Variants in NELL1 observed in about 807,000 individuals in gnomAD.
The protein encoded by NELL1 is protein kinase C-binding protein NELL1.
NELL1 carries 76 observed loss-of-function variants against 107.4 expected under a neutral mutation model. The observed-to-expected ratio is 0.71, with a 90% CI of 0.59 to 0.86. The LOEUF (loss-of-function observed/expected upper bound fraction) is 0.86, where lower values mean the gene tolerates loss of function less well. NELL1 is among the 40% of genes least tolerant of loss of function. The probability of loss-of-function intolerance (pLI) is 0.00; values close to 1 mark genes in which losing one functional copy is unlikely to be tolerated. For synonymous variants in NELL1, 353 were observed against 341.2 expected (o/e 1.03, Z -0.38); for missense variants, 1,024 against 1,005.5 (o/e 1.02, Z -0.25).
intron 15 of NELL1, among the ~76,000 whole-genome samples, chr11:21,451,339 TG>T (rs1258837778): frequency 5.3e-5 from 8 of 152,142 alleles, no homozygotes; most frequent in Non-Finnish European, 2.9e-5. Flanking sequence ...GCAGGGCTGA[TG>T]TGTTGTTTGC....
Position 20,928,464 on chromosome 11 carries a change from T to C in NELL1, c.982T>C (p.Cys328Arg). ...SLPVHIAGQC[C>R]KVCRPKCIYG... ...CCCAGTGCACATTGCTGGCCAGTGCTGTAAGGTCTGCCGACGTAAGTACTG... is the reference window on the plus strand; with the variant it reads ...CCCAGTGCACATTGCTGGCCAGTGCCGTAAGGTCTGCCGACGTAAGTACTG... Residue 328 changes from cysteine to arginine, a missense_variant, in exon 9 of 20, where the codon TGT (cysteine) becomes CGT (arginine). Cys to Arg is a radical substitution (Grantham distance 180, BLOSUM62 -3). Coordinates refer to ENST00000357134, the MANE Select transcript of NELL1 (RefSeq NM_006157.5). The C allele has an allele frequency of 1.2e-6, 2 of 1,613,872 alleles. No homozygotes were observed. Among genetic ancestry groups the C allele is most frequent in the Non-Finnish European group, 1.7e-6 (2 of 1,179,774 alleles).
chr11:21,196,883 C>CTTTTT (rs200792090), intron 13 of NELL1, among the ~76,000 whole-genome samples: 62 of 136,208 alleles, frequency 4.6e-4, no homozygotes, highest in Non-Finnish European at 5.6e-4. Flanking sequence ...CTTTTCTTTT[C>CTTTTT]TTTTTTTTTT....
At chr11:21,100,781 T>C (rs1854785981) in intron 12 of NELL1, among the ~76,000 whole-genome samples, 1 of 152,190 alleles carries the variant, frequency 6.6e-6, no homozygotes, top group Non-Finnish European at 1.5e-5. Flanking sequence ...TCTTCCAAGT[T>C]AGGTATTATT....
intron 17 of NELL1, among the ~76,000 whole-genome samples, chr11:21,567,449 T>C (rs1856996411): frequency 8.3e-6 from 1 of 121,156 alleles, no homozygotes; most frequent in Non-Finnish European, 2.0e-5. Flanking sequence ...GCTCTCTATA[T>C]ACACATGTTT....
intron 12 of NELL1, among the ~76,000 whole-genome samples, chr11:21,109,894 C>G (rs561123048): frequency 1.4e-4 from 22 of 152,248 alleles, no homozygotes; most frequent in African/African-American, 4.8e-4. Context: ...AAACTGTCTT[C>G]TGGGTTGTGT....
rs1011902690 is a variant in NELL1, at chr11:21,262,861, G to C, written c.1549+33407G>C. Among the ~76,000 whole-genome samples the C allele has an allele frequency of 2.7e-4, 41 of 151,348 alleles. 3 individuals are homozygous for C. The highest frequency in any genetic ancestry group is 1.5e-5 in the Non-Finnish European group (1 of 67,726). ...CCTGTACTCTTACTCCTTTTTCCTT[G>C]GTCTTCTCTTTCTTTTTCTAGCTTT... On this transcript the variant is annotated intron_variant, in intron 14 of 19. Coordinates refer to ENST00000357134, the MANE Select transcript of NELL1 (RefSeq NM_006157.5).
intron 2 of NELL1, among the ~76,000 whole-genome samples, chr11:20,774,224 C>T (rs1422082964): frequency 5.2e-5 from 6 of 115,114 alleles, no homozygotes; most frequent in Non-Finnish European, 1.8e-5. Context: ...CTCCCTCCTT[C>T]CCTTCCTTCC....
At chr11:21,485,523 G>C (rs1854603403) in intron 15 of NELL1, among the ~76,000 whole-genome samples, 1 of 152,074 alleles carries the variant, frequency 6.6e-6, no homozygotes, top group South Asian at 2.1e-4. Context: ...AGGGAGAAGG[G>C]AAGCTAGGCA....
At position 20,941,178 on chromosome 11, in the gene NELL1, A is replaced by G. The variant is rs147869060; in HGVS notation, c.1071+3319A>G. ...CAAAACAAAACAAAACCCACCTCCA[A>G]CATATCATAATGGGAAGTTACTAAA... On this transcript the variant is annotated intron_variant, in intron 10 of 19. Coordinates refer to ENST00000357134, the MANE Select transcript of NELL1 (RefSeq NM_006157.5). Among the ~76,000 whole-genome samples, 154 of 152,234 alleles carry G rather than the reference A, an allele frequency of 1.0e-3. 1 individual carries two copies. The highest frequency in any genetic ancestry group is 3.6e-3 in the African/African-American group (149 of 41,550).
At chr11:21,300,411 G>T (rs950973139) in intron 14 of NELL1, among the ~76,000 whole-genome samples, 9 of 152,010 alleles carry the variant, frequency 5.9e-5, no homozygotes, top group African/African-American at 2.2e-4. Context: ...AGGGCTTTAG[G>T]TTTATTCACA....
Position 21,113,594 on chromosome 11 carries a change from G to A in NELL1, c.1306G>A (p.Asp436Asn), listed in dbSNP as rs1855157023. The A allele has an allele frequency of 1.2e-6, 2 of 1,609,372 alleles. No individual in the cohort carries two copies. The highest frequency in any genetic ancestry group is 1.3e-5 in the African/African-American group (1 of 74,568). The change falls in exon 13 of 20, where the codon GAT (aspartate) becomes AAT (asparagine). Residue 436 changes from aspartate to asparagine, a missense_variant. Physicochemically the swap from Asp to Asn is conservative, Grantham distance 23. Transcript: ENST00000357134. The stretch of plus-strand genomic sequence containing the variant: ...ACTTATTTTTTTTCCTTCAGATATT[G>A]ATGAGTGTGCAGCTAAGATGCATTA... ...QGDSAYCEDI[D>N]ECAAKMHYCH...
At chr11:20,889,875 C>T (rs10833406) in intron 5 of NELL1, among the ~76,000 whole-genome samples, 21 of 152,106 alleles carry the variant, frequency 1.4e-4, no homozygotes, top group Middle Eastern at 3.4e-3. Context: ...GAGCCCCTAG[C>T]GGGAGAGGTG....
chr11:21,503,647 T>C (rs1049942546), intron 15 of NELL1, among the ~76,000 whole-genome samples: 2 of 152,182 alleles, frequency 1.3e-5, no homozygotes, highest in South Asian at 2.1e-4. Flanking sequence ...CTCTAGGTAA[T>C]AGGTAATTAT....
At chr11:21,458,605 A>AG (rs1853811155) in intron 15 of NELL1, among the ~76,000 whole-genome samples, 1 of 152,010 alleles carries the variant, frequency 6.6e-6, no homozygotes, top group South Asian at 2.1e-4. Context: ...GAGTGAAAAA[A>AG]TGAGAAACAA....
chr11:20,843,628 A>T (rs1016687202), intron 3 of NELL1, among the ~76,000 whole-genome samples: 5 of 88,102 alleles, frequency 5.7e-5, no homozygotes, highest in African/African-American at 1.5e-4. Context: ...ATATGAATAT[A>T]AAATTTTATT....
At chr11:21,574,182 T>C (rs535076592) in intron 19 of NELL1, among the ~76,000 whole-genome samples, 1 of 151,930 alleles carries the variant, frequency 6.6e-6, no homozygotes, top group African/African-American at 2.4e-5. Context: ...CTTGGTCCCA[T>C]CAAACCCTGG....
At chr11:21,181,132 C>T (rs1374529262) in intron 13 of NELL1, among the ~76,000 whole-genome samples, 1 of 151,770 alleles carries the variant, frequency 6.6e-6, no homozygotes, top group Non-Finnish European at 1.5e-5. Context: ...ACCTTTGAAA[C>T]CTAATTTATT....
chr11:20,735,243 A>T (rs766295827), intron 2 of NELL1, among the ~76,000 whole-genome samples: 1 of 152,164 alleles, frequency 6.6e-6, no homozygotes, highest in African/African-American at 2.4e-5. Flanking sequence ...CTTGGGAAAG[A>T]TGAGGATTTT....
At chr11:20,811,251 G>A (rs1857495970) in intron 3 of NELL1, among the ~76,000 whole-genome samples, 1 of 152,086 alleles carries the variant, frequency 6.6e-6, no homozygotes, top group Admixed American at 6.6e-5. Flanking sequence ...AGACTGTCCT[G>A]TCTCCATTGT....
Sources: gnomAD v4.1 joint callset for allele counts (sites outside exome capture counted in the v4.1 genomes callset) on GRCh38, gnomAD v4.1.1 for gene constraint, MANE v1.5 for transcripts, NCBI Gene and HGNC (gene_info 2026-07-23, HGNC 2026-07-21) for gene names.